CD6: variants seen among roughly 807,000 people sequenced by gnomAD.
The protein encoded by CD6 is T-cell differentiation antigen CD6.
Under a neutral mutation model 75.3 loss-of-function variants are expected in CD6, and 53 were observed. The ratio of observed to expected loss-of-function variants is 0.70; its 90% CI spans 0.56 to 0.88. CD6 has a LOEUF of 0.88. Ranked by LOEUF, CD6 falls within the 40% of genes least tolerant of loss-of-function variation. The pLI is 0.00. For missense variants in CD6, 770 were observed against 897.1 expected, an observed-to-expected ratio of 0.86 and a Z score of 1.81; for synonymous variants, 359 against 381.5, an observed-to-expected ratio of 0.94 and a Z score of 0.69.
At chr11:60,984,676 G>A (rs1215246900) in intron 1 of CD6, among the ~76,000 whole-genome samples, 1 of 152,226 alleles carries the variant, frequency 6.6e-6, no homozygotes, top group Admixed American at 6.5e-5. Flanking sequence ...TGTGCACCAA[G>A]GGAAATCAGG....
At chr11:61,012,351 G>A (rs12275418) in intron 6 of CD6, among the ~76,000 whole-genome samples, 21,254 of 152,098 alleles carry the variant, frequency 0.14, 1,762 homozygotes, top group Non-Finnish European at 0.19. Context: ...CCCCTCCCTC[G>A]GCCACGGCCC....
chr11:61,019,998 A>G lies in CD6; in HGVS notation c.*680A>G, dbSNP rs982394422. The G allele has an allele frequency of 1.0e-4, 40 of 397,100 alleles. No homozygotes were observed. The highest frequency in any genetic ancestry group is 4.7e-4 in the African/African-American group (23 of 48,740). The allele number at this position is 397,100 out of a possible 1,614,324, so 24.6% of individuals were successfully genotyped here. A position where few individuals can be genotyped will look rare whatever the true frequency, so the allele number is the denominator to read the frequency against. On this transcript the variant is annotated 3_prime_UTR_variant, in exon 13 of 13. Transcript: ENST00000313421. The stretch of plus-strand genomic sequence containing the variant: ...CCAGTCCTGCCCCAGAGACACTCCA[A>G]GTCCGCCAGGGGCACAGACCAGTTC...
intron 1 of CD6, among the ~76,000 whole-genome samples, chr11:60,999,051 A>C (rs555280606): frequency 6.6e-6 from 1 of 151,998 alleles, no homozygotes; most frequent in Admixed American, 6.6e-5. Flanking sequence ...CCAGCTATTC[A>C]GGAGGCTGAG....
intron 1 of CD6, among the ~76,000 whole-genome samples, chr11:60,976,154 C>T (rs1057029133): frequency 3.3e-5 from 5 of 152,146 alleles, no homozygotes; most frequent in African/African-American, 7.2e-5. Flanking sequence ...AAGTAATTTT[C>T]ATTCCTCACT....
Position 60,982,787 on chromosome 11 carries a change from G to A in CD6, c.49+10873G>A, listed in dbSNP as rs375622629. 76 of 455,336 alleles carry A rather than the reference G, an allele frequency of 1.7e-4. No homozygotes were observed. In the East Asian group the frequency reaches 2.9e-3, roughly 18 times the overall value. The allele number at this position is 455,336 out of a possible 1,614,324, so 28.2% of individuals were successfully genotyped here. A position where few individuals can be genotyped will look rare whatever the true frequency, so the allele number is the denominator to read the frequency against. ...GAAAGCGAGGTGCGAAGTGGGGAAC[G>A]ACATGCCCCAGGGTCTTGGAGCAGG... On this transcript the variant is annotated intron_variant, in intron 1 of 12. Coordinates refer to ENST00000313421, the MANE Select transcript of CD6 (RefSeq NM_006725.5).
In CD6 at chr11:61,009,839, G is replaced by A; in HGVS notation, c.1049G>A (p.Cys350Tyr). 1 of 1,570,560 alleles carries A rather than the reference G, an allele frequency of 6.4e-7. No individual in the cohort carries two copies. Among genetic ancestry groups the A allele is most frequent in the South Asian group, 1.2e-5 (1 of 84,160 alleles). The change falls in exon 5 of 13, where the codon TGC (cysteine) becomes TAC (tyrosine). Residue 350 changes from cysteine (C) to tyrosine (Y), a missense_variant. Cys to Tyr is a radical substitution (Grantham distance 194). Coordinates refer to ENST00000313421, the MANE Select transcript of CD6 (RefSeq NM_006725.5). Reference protein sequence around the residue: ...CSWRFNNSNLCSQSLAARVLC... With the variant: ...CSWRFNNSNLYSQSLAARVLC... ...TGGCGGTTCAACAACTCCAACCTCT[G>A]CAGCCAGTCGCTGGCAGCCAGGGTC...
Position 61,009,806 on chromosome 11 carries a change from AC to A in CD6, c.1017del (p.Cys340AlafsTer44). The A allele has an allele frequency of 6.2e-7, 1 of 1,606,338 alleles. No homozygotes were observed. The highest frequency in any genetic ancestry group is 1.1e-5 in the South Asian group (1 of 89,862). On this transcript the variant is annotated frameshift_variant, in exon 5 of 13. Transcript: ENST00000313421. LOFTEE classifies it high-confidence loss of function. Reference sequence around the variant, plus strand: ...AATGGGGAGGAGCTCACCCTCTCCAACTGCTCCTGGCGGTTCAACAACTCCA... The same window carrying A: ...AATGGGGAGGAGCTCACCCTCTCCAATGCTCCTGGCGGTTCAACAACTCCA... ...SCNGEELTLS[N>X]CSWRFNNSNL...
At chr11:60,995,155 T>G (rs1403651320) in intron 1 of CD6, among the ~76,000 whole-genome samples, 1 of 149,818 alleles carries the variant, frequency 6.7e-6, no homozygotes, top group Non-Finnish European at 1.5e-5. Flanking sequence ...TTCTTTCTTT[T>G]CTTTTTTGAA....
At chr11:61,001,025 T>C (rs1175383274) in intron 1 of CD6, among the ~76,000 whole-genome samples, 1 of 152,160 alleles carries the variant, frequency 6.6e-6, no homozygotes, top group Non-Finnish European at 1.5e-5. Flanking sequence ...CTTTCCAGAA[T>C]TTGGGACACA....
intron 1 of CD6, among the ~76,000 whole-genome samples, chr11:61,003,064 A>G (rs1858672493): frequency 6.6e-6 from 1 of 152,160 alleles, no homozygotes; most frequent in Non-Finnish European, 1.5e-5. Context: ...TCCCAGGCTC[A>G]AGCAATTCTC....
chr11:60,978,766 C>T (rs555597150), intron 1 of CD6, among the ~76,000 whole-genome samples: 1 of 152,144 alleles, frequency 6.6e-6, no homozygotes, highest in African/African-American at 2.4e-5. Flanking sequence ...CAGGCAGACG[C>T]GGGTTCTGAA....
At chr11:60,977,644 T>C (rs1394699532) in intron 1 of CD6, among the ~76,000 whole-genome samples, 4 of 152,096 alleles carry the variant, frequency 2.6e-5, no homozygotes, top group African/African-American at 9.7e-5. Context: ...TTCTTTCTTT[T>C]CTTTTTTTTT....
At chr11:60,998,087 A>G (rs1171074802) in intron 1 of CD6, among the ~76,000 whole-genome samples, 3 of 152,182 alleles carry the variant, frequency 2.0e-5, no homozygotes, top group African/African-American at 7.2e-5. Flanking sequence ...CATACTGAAA[A>G]CAGTATGCTG....
At chr11:61,015,564 C>T (rs1859359024) in intron 8 of CD6, 149 bp from the exon 9 acceptor site, 1 of 891,132 alleles carries the variant, frequency 1.1e-6, no homozygotes, top group African/African-American at 1.7e-5. Flanking sequence ...GAGTGAGACC[C>T]TGTCCCAGAA....
At chr11:60,979,022 A>C (rs1226101070) in intron 1 of CD6, among the ~76,000 whole-genome samples, 1 of 152,226 alleles carries the variant, frequency 6.6e-6, no homozygotes, top group African/African-American at 2.4e-5. Flanking sequence ...CATCACCCAC[A>C]TGGTGACCTC....
intron 12 of CD6, 138 bp from the exon 13 acceptor site, chr11:61,019,116 C>T (rs1241318402): frequency 7.9e-6 from 5 of 633,170 alleles, no homozygotes; most frequent in East Asian, 5.5e-5. Flanking sequence ...GGGACATGGC[C>T]GGAAGCAAGA....
chr11:60,993,103 G>A lies in CD6; in HGVS notation c.50-13471G>A, dbSNP rs117283739. On this transcript the variant is annotated intron_variant, in intron 1 of 12. Transcript: ENST00000313421. ...GGAAAGAAGGCACGGTCTGGCACGGGAGCCTGAGCCAGCCTTGGAGCCAGG... is the reference window on the plus strand; with the variant it reads ...GGAAAGAAGGCACGGTCTGGCACGGAAGCCTGAGCCAGCCTTGGAGCCAGG... Among the ~76,000 whole-genome samples, 273 of 152,270 alleles carry A rather than the reference G, an allele frequency of 1.8e-3. 10 individuals carry two copies. The East Asian group carries it at 0.051, about 28-fold the overall frequency.
chr11:60,990,278 G>T (rs2135067385), intron 1 of CD6, among the ~76,000 whole-genome samples: 1 of 152,304 alleles, frequency 6.6e-6, no homozygotes, highest in Middle Eastern at 3.4e-3. Context: ...AGGCTGGAGT[G>T]CAGTGGTGCA....
intron 1 of CD6, among the ~76,000 whole-genome samples, chr11:60,994,863 C>T (rs1224041722): frequency 1.3e-5 from 2 of 152,176 alleles, no homozygotes; most frequent in African/African-American, 4.8e-5. Context: ...TTCCTCTGGG[C>T]GCCAGGGGAG....
Sources: gnomAD v4.1 joint callset for allele counts (sites outside exome capture counted in the v4.1 genomes callset) on GRCh38, gnomAD v4.1.1 for gene constraint, MANE v1.5 for transcripts, NCBI Gene and HGNC (gene_info 2026-07-23, HGNC 2026-07-21) for gene names.